The following PARPBP variants were observed in gnomAD, a reference collection of about 807,000 sequenced individuals.
PARPBP encodes the protein PCNA-interacting partner.
In PARPBP, 52 loss-of-function variants were observed where a neutral mutation model predicts 50.0. The observed-to-expected ratio is 1.04, with a 90% CI of 0.83 to 1.31. The LOEUF is 1.31. Ranked by LOEUF, PARPBP falls within the 50% of genes most tolerant of loss-of-function variation. The pLI is 0.00. For missense variants in PARPBP, 697 were observed against 672.0 expected, an observed-to-expected ratio of 1.04 and a Z score of -0.41; for synonymous variants, 244 against 232.1, an observed-to-expected ratio of 1.05 and a Z score of -0.47.
At chr12:102,165,084 A>G (rs964115087) in intron 5 of PARPBP, among the ~76,000 whole-genome samples, 11 of 152,200 alleles carry the variant, frequency 7.2e-5, no homozygotes, top group African/African-American at 2.7e-4. Flanking sequence ...CCCCTAAATT[A>G]TCGACATTTC....
intron 3 of PARPBP, among the ~76,000 whole-genome samples, chr12:102,151,086 C>G (rs1886123109): frequency 6.7e-6 from 1 of 148,536 alleles, no homozygotes; most frequent in Admixed American, 6.7e-5. Flanking sequence ...TTAAGGGTTT[C>G]CAGCAGCCAG....
Position 102,196,570 on chromosome 12 carries a change from T to C in PARPBP, c.*279T>C, listed in dbSNP as rs868168875. 3.1e-6 allele frequency: 3 copies of C among 958,290 alleles called. No individual in the cohort carries two copies. The highest frequency in any genetic ancestry group is 5.1e-6 in the Non-Finnish European group (3 of 584,844). The allele number at this position is 958,290 out of a possible 1,614,324, so 59.4% of individuals were successfully genotyped here. Reference sequence around the variant, plus strand: ...ACAGACATTTAACATACACAAGTTATAGTAGCAGTATGGGCTTCTCCTCCC... The same window carrying C: ...ACAGACATTTAACATACACAAGTTACAGTAGCAGTATGGGCTTCTCCTCCC... On this transcript the variant is annotated 3_prime_UTR_variant, in exon 11 of 11. Transcript: ENST00000327680.
intron 2 of PARPBP, among the ~76,000 whole-genome samples, chr12:102,143,557 C>G (rs1028685244): frequency 6.6e-6 from 1 of 152,204 alleles, no homozygotes; most frequent in African/African-American, 2.4e-5. Flanking sequence ...TCATCTTCTG[C>G]GTCGCTCATA....
At chr12:102,122,317 A>G (rs12311320) in intron 1 of PARPBP, among the ~76,000 whole-genome samples, 2,573 of 152,300 alleles carry the variant, frequency 0.017, 70 homozygotes, top group African/African-American at 0.06. Context: ...ATTAATCTCT[A>G]ATCTTCTACC....
At chr12:102,125,605 A>G (rs1237306961) in intron 2 of PARPBP, among the ~76,000 whole-genome samples, 1 of 152,072 alleles carries the variant, frequency 6.6e-6, no homozygotes, top group African/African-American at 2.4e-5. Flanking sequence ...AATAAATGTT[A>G]ATCTCCTTCC....
At chr12:102,153,790 A>T in intron 3 of PARPBP, 79 bp from the exon 4 acceptor site, 1 of 744,952 alleles carries the variant, frequency 1.3e-6, no homozygotes, top group Non-Finnish European at 2.4e-6. Context: ...AACATCAATG[A>T]CACTGAGTAG....
intron 3 of PARPBP, among the ~76,000 whole-genome samples, chr12:102,152,554 T>A (rs1056545102): frequency 6.6e-6 from 1 of 152,210 alleles, no homozygotes; most frequent in Non-Finnish European, 1.5e-5. Context: ...ATGAGCTAGT[T>A]CCTCCTGTGT....
chr12:102,159,407 G>T (rs1401528344), intron 4 of PARPBP, among the ~76,000 whole-genome samples: 2 of 152,140 alleles, frequency 1.3e-5, no homozygotes, highest in Non-Finnish European at 2.9e-5. Flanking sequence ...AATTACAGGC[G>T]TGAGCCACCG....
chr12:102,125,965 C>T (rs1254343926), intron 2 of PARPBP, among the ~76,000 whole-genome samples: 1 of 152,152 alleles, frequency 6.6e-6, no homozygotes, highest in Non-Finnish European at 1.5e-5. Flanking sequence ...TCCCCTACCT[C>T]AACAGAAATT....
At chr12:102,151,141 C>T (rs1311956613) in intron 3 of PARPBP, among the ~76,000 whole-genome samples, 1 of 152,218 alleles carries the variant, frequency 6.6e-6, no homozygotes, top group Middle Eastern at 3.4e-3. Context: ...CAGAACAGAG[C>T]TACTGGGGGG....
chr12:102,184,032 A>C, intron 9 of PARPBP, among the ~76,000 whole-genome samples: 1 of 135,646 alleles, frequency 7.4e-6, no homozygotes, highest in East Asian at 2.3e-4. Context: ...GGGTGACAAA[A>C]TGAGACTCTA....
intron 4 of PARPBP, among the ~76,000 whole-genome samples, chr12:102,162,106 T>A (rs1887664591): frequency 6.6e-6 from 1 of 152,204 alleles, no homozygotes; most frequent in Admixed American, 6.5e-5. Context: ...AAATATATTA[T>A]CTTTTGAATT....
At chr12:102,143,633 C>CT (rs1884965435) in intron 2 of PARPBP, among the ~76,000 whole-genome samples, 2 of 152,288 alleles carry the variant, frequency 1.3e-5, no homozygotes, top group South Asian at 4.1e-4. Flanking sequence ...AAAATGTAAC[C>CT]TTTATAGATT....
chr12:102,139,077 A>G (rs1369874299), intron 2 of PARPBP, among the ~76,000 whole-genome samples: 3 of 152,226 alleles, frequency 2.0e-5, no homozygotes, highest in Middle Eastern at 3.4e-3. Context: ...ATTACCTTGG[A>G]CAGTATGGCC....
intron 9 of PARPBP, among the ~76,000 whole-genome samples, chr12:102,188,157 C>T (rs1890471842): frequency 6.6e-6 from 1 of 152,046 alleles, no homozygotes; most frequent in Non-Finnish European, 1.5e-5. Context: ...AGGACACATA[C>T]TCTGAATTTT....
intron 2 of PARPBP, among the ~76,000 whole-genome samples, chr12:102,139,143 C>T (rs528305404): frequency 4.5e-4 from 69 of 152,240 alleles, no homozygotes; most frequent in African/African-American, 1.1e-3. Context: ...TTCCATTTGT[C>T]TGTGTCCTCT....
At chr12:102,151,873 GAGA>G (rs1426553850) in intron 3 of PARPBP, 2 of 1,119,376 alleles carry the variant, frequency 1.8e-6, no homozygotes, top group East Asian at 2.6e-5. Context: ...TGTCCAAGCT[GAGA>G]AGAAGGAACC....
chr12:102,146,470 G>T (rs1429537174), intron 2 of PARPBP, among the ~76,000 whole-genome samples: 1 of 152,070 alleles, frequency 6.6e-6, no homozygotes, highest in African/African-American at 2.4e-5. Context: ...ATAGGGAAAG[G>T]ATTCCCTATT....
rs1350518973 is a variant in PARPBP at position 102,175,700 on chromosome 12, T to C, written c.1005+34T>C. On this transcript the variant is annotated intron_variant, in intron 7 of 10. Coordinates refer to ENST00000327680, the MANE Select transcript of PARPBP (RefSeq NM_017915.5). The stretch of plus-strand genomic sequence containing the variant: ...CTTTTTATTTTTCATTATCCTTTTA[T>C]ACAAATCATTATCTCTTCTATTTAT... The C allele has an allele frequency of 3.0e-6, 4 of 1,328,274 alleles. No homozygotes were observed. The Admixed American group carries it at 8.4e-5, about 28-fold the overall frequency. 82.3% of individuals were successfully genotyped at this position (1,328,274 alleles called of 1,614,324 possible). A position where few individuals can be genotyped will look rare whatever the true frequency, so the allele number is the denominator to read the frequency against.
Sources: allele counts gnomAD v4.1 joint callset (sites outside exome capture counted in the v4.1 genomes callset), GRCh38; gene constraint gnomAD v4.1.1; transcripts MANE v1.5; gene names NCBI Gene and HGNC (gene_info 2026-07-23, HGNC 2026-07-21).